Variants in CYRIB observed in about 807,000 individuals in gnomAD.
The protein encoded by CYRIB is CYFIP related Rac1 interactor B, also known as CYFIP-related Rac1 interactor B.
Under a neutral mutation model 44.2 loss-of-function variants are expected in CYRIB, and 8 were observed. The observed-to-expected ratio is 0.18, with a 90% CI of 0.11 to 0.33. The LOEUF (loss-of-function observed/expected upper bound fraction) is 0.33. CYRIB is among the 10% of genes least tolerant of loss of function. The pLI is 1.00. For synonymous variants in CYRIB, 131 were observed against 127.2 expected (o/e 1.03, Z -0.20); for missense variants, 185 against 382.8 (o/e 0.48, Z 4.31).
intron 4 of CYRIB, among the ~76,000 whole-genome samples, chr8:129,867,743 G>A (rs1225732574): frequency 1.3e-5 from 2 of 152,244 alleles, no homozygotes; most frequent in Non-Finnish European, 1.5e-5. Context: ...ATAACGCTGT[G>A]AATTGCTTCC....
chr8:129,976,693 T>C (rs1411063726), intron 1 of CYRIB, among the ~76,000 whole-genome samples: 1 of 152,218 alleles, frequency 6.6e-6, no homozygotes, highest in African/African-American at 2.4e-5. Flanking sequence ...TCTCTGAGCG[T>C]GAATTTGGAA....
chr8:129,930,379 A>ATATATATATATATATTTTTTTTTTTTTT (rs971468534), intron 1 of CYRIB, among the ~76,000 whole-genome samples: 2 of 130,136 alleles, frequency 1.5e-5, no homozygotes, highest in African/African-American at 5.7e-5. Context: ...ATATATATAT[A>ATATATATATATATATTTTTTTTTTTTTT]TTTTAATTAT....
At chr8:129,860,892 A>T (rs182412936) in intron 5 of CYRIB, among the ~76,000 whole-genome samples, 2 of 151,234 alleles carry the variant, frequency 1.3e-5, no homozygotes, top group East Asian at 3.9e-4. Context: ...CCATACAGTG[A>T]CCAAGTGTTA....
chr8:130,007,385 T>C (rs1429503464), intron 1 of CYRIB, among the ~76,000 whole-genome samples: 1 of 152,252 alleles, frequency 6.6e-6, no homozygotes, highest in Non-Finnish European at 1.5e-5. Context: ...ATTCCAGCTC[T>C]GCTTTTTATC....
chr8:129,945,680 T>C (rs2094092706), intron 2 of CYRIB, among the ~76,000 whole-genome samples: 2 of 152,196 alleles, frequency 1.3e-5, no homozygotes, highest in South Asian at 2.1e-4. Flanking sequence ...GCGACTTTCC[T>C]GCCTCAGCCT....
At chr8:129,964,309 T>C (rs1431783482) in intron 2 of CYRIB, among the ~76,000 whole-genome samples, 1 of 152,188 alleles carries the variant, frequency 6.6e-6, no homozygotes, top group African/African-American at 2.4e-5. Flanking sequence ...CATCAGCAAT[T>C]CATGTGGTCC....
At chr8:129,987,721 G>A (rs2065409) in intron 1 of CYRIB, among the ~76,000 whole-genome samples, 52,442 of 151,660 alleles carry the variant, frequency 0.35, 9,494 homozygotes, top group African/African-American at 0.44. Context: ...ACAGGCAGGC[G>A]CCACCTCGCC....
At chr8:129,895,174 GT>G (rs1419168406) in intron 2 of CYRIB, among the ~76,000 whole-genome samples, 3 of 147,880 alleles carry the variant, frequency 2.0e-5, no homozygotes, top group African/African-American at 2.5e-5. Flanking sequence ...GTTGTTGTTT[GT>G]TTTTTTTTGT....
intron 1 of CYRIB, among the ~76,000 whole-genome samples, chr8:129,981,228 C>T (rs1421662237): frequency 1.3e-5 from 2 of 152,140 alleles, no homozygotes; most frequent in East Asian, 3.8e-4. Context: ...CAACCTCCAC[C>T]TCCTGGGCTC....
rs949503878 is a variant in CYRIB, at chr8:129,851,096, G to C, written c.634-182C>G. The C allele has an allele frequency of 5.2e-6, 3 of 571,518 alleles. No homozygotes were observed. The African/African-American group carries it at 5.7e-5, about 11-fold the overall frequency. 35.4% of individuals were successfully genotyped at this position (571,518 alleles called of 1,614,324 possible). On this transcript the variant is annotated intron_variant, in intron 8 of 11. Transcript: ENST00000519824. ...CCAAGCACTGGGGATACAGCTATGA[G>C]CAAGACAGCGAAGGCAGGACTCTTC...
At chr8:129,841,323 T>C (rs749401349) in exon 12 of CYRIB, 1 of 152,176 alleles carries the variant, frequency 6.6e-6, no homozygotes, top group Non-Finnish European at 1.5e-5. Flanking sequence ...AGTATATACA[T>C]AGACAATGAT....
At chr8:129,992,133 C>T (rs2096655066) in intron 1 of CYRIB, among the ~76,000 whole-genome samples, 1 of 151,534 alleles carries the variant, frequency 6.6e-6, no homozygotes, top group South Asian at 2.1e-4. Context: ...CCAGCCTGGG[C>T]AACATAGCGA....
chr8:129,927,671 GC>G (rs1187282789), intron 1 of CYRIB, among the ~76,000 whole-genome samples: 20 of 152,124 alleles, frequency 1.3e-4, no homozygotes, highest in African/African-American at 4.8e-4. Flanking sequence ...GGTGATTTTT[GC>G]TTTTTTCTTT....
chr8:129,908,534 A>G (rs370636070), intron 1 of CYRIB, among the ~76,000 whole-genome samples: 1 of 152,294 alleles, frequency 6.6e-6, no homozygotes, highest in South Asian at 2.1e-4. Flanking sequence ...CCTTTGTAAA[A>G]GAGCAAAAAT....
intron 1 of CYRIB, among the ~76,000 whole-genome samples, chr8:129,987,574 T>TC (rs2096506757): frequency 6.7e-6 from 1 of 148,232 alleles, no homozygotes; most frequent in Non-Finnish European, 1.5e-5. Flanking sequence ...TTTTCTTTTT[T>TC]TTTTTTTTTT....
chr8:130,002,580 A>G (rs1298301065), intron 1 of CYRIB, among the ~76,000 whole-genome samples: 2 of 152,212 alleles, frequency 1.3e-5, no homozygotes, highest in African/African-American at 4.8e-5. Context: ...GAATATCTCC[A>G]TATTCTTATC....
intron 1 of CYRIB, among the ~76,000 whole-genome samples, chr8:130,006,891 C>T (rs1264668952): frequency 6.6e-6 from 1 of 151,448 alleles, no homozygotes; most frequent in Non-Finnish European, 1.5e-5. Context: ...AGCATCCAAA[C>T]ATTGAAATTT....
intron 3 of CYRIB, among the ~76,000 whole-genome samples, 197 bp from the exon 6 acceptor site, chr8:129,871,693 A>G (rs543974664): frequency 2.6e-5 from 4 of 152,324 alleles, no homozygotes; most frequent in Admixed American, 6.5e-5. Flanking sequence ...GTACATAGAT[A>G]TTACAGAAAA....
chr8:129,982,958 C>T (rs1169238700), intron 1 of CYRIB, among the ~76,000 whole-genome samples: 1 of 149,964 alleles, frequency 6.7e-6, no homozygotes. Flanking sequence ...AATGTATACA[C>T]TAAATATGTG....
Sources: gnomAD v4.1 joint callset for allele counts (sites outside exome capture counted in the v4.1 genomes callset) on GRCh38, gnomAD v4.1.1 for gene constraint, MANE v1.5 for transcripts, NCBI Gene and HGNC (gene_info 2026-07-23, HGNC 2026-07-21) for gene names.